The following ZNF469 variants were observed in gnomAD, a reference collection of about 807,000 sequenced individuals.
ZNF469 encodes zinc finger protein 469.
ZNF469 carries 1 observed loss-of-function variant against 1.0 expected under a neutral mutation model. That is an observed-to-expected ratio of 1.00 (90% confidence interval 0.35 to 4.73). The LOEUF is 4.73. ZNF469 is among the 30% of genes most tolerant of loss of function. ZNF469 has a pLI of 0.16. For missense variants in ZNF469, 6,100 were observed against 5,356.3 expected, an observed-to-expected ratio of 1.14 and a Z score of -4.33; for synonymous variants, 2,703 against 2,363.4, an observed-to-expected ratio of 1.14 and a Z score of -4.17.
chr16:88,362,376 A>G, the ZNF469 span, among the ~76,000 whole-genome samples: 6 of 152,340 alleles, frequency 3.9e-5, no homozygotes, highest in East Asian at 1.2e-3. Context: ...CTGAATTTCT[A>G]TCTGAATTCC....
chr16:88,177,911 A>G, the ZNF469 span: 3 of 152,066 alleles, frequency 2.0e-5, no homozygotes, highest in African/African-American at 7.2e-5. This position sits in a 1 kb window ranked among gnomAD's most constrained non-coding sequence, Gnocchi z 4.8. Flanking sequence ...GGATTTCACC[A>G]TGTTGGTCAG....
At chr16:88,280,172 GCAC>G in the ZNF469 span, among the ~76,000 whole-genome samples, 1 of 151,178 alleles carries the variant, frequency 6.6e-6, no homozygotes. Flanking sequence ...GGTTAGTGCT[GCAC>G]CACGCTGACG....
At chr16:88,326,701 C>G in the ZNF469 span, among the ~76,000 whole-genome samples, 1 of 152,178 alleles carries the variant, frequency 6.6e-6, no homozygotes, top group African/African-American at 2.4e-5. Context: ...ACGTCACTGA[C>G]TCATGGGACC....
the ZNF469 span, among the ~76,000 whole-genome samples, chr16:88,301,465 C>G: frequency 6.6e-6 from 1 of 152,206 alleles, no homozygotes; most frequent in Non-Finnish European, 1.5e-5. Context: ...CCACGCTTCT[C>G]TAAGCGATGA....
chr16:88,202,196 C>A, the ZNF469 span, among the ~76,000 whole-genome samples: 2 of 152,172 alleles, frequency 1.3e-5, no homozygotes, highest in Non-Finnish European at 2.9e-5. Flanking sequence ...CCAGTTATAA[C>A]AAGGATCACA....
At chr16:88,259,249 A>AC in the ZNF469 span, among the ~76,000 whole-genome samples, 5 of 68,442 alleles carry the variant, frequency 7.3e-5, no homozygotes, top group Admixed American at 1.4e-4. This position sits in a 1 kb window ranked among gnomAD's most constrained non-coding sequence, Gnocchi z 4.1. Flanking sequence ...AAGCCGACCC[A>AC]CCCCCCGCCC....
chr16:88,122,471 T>TCG, the ZNF469 span, among the ~76,000 whole-genome samples: 9 of 147,914 alleles, frequency 6.1e-5, no homozygotes, highest in South Asian at 2.2e-4. Flanking sequence ...GCCACTCTGA[T>TCG]CACATTCCCG....
chr16:88,171,775 T>C, the ZNF469 span, among the ~76,000 whole-genome samples: 1 of 152,160 alleles, frequency 6.6e-6, no homozygotes, highest in Non-Finnish European at 1.5e-5. Flanking sequence ...GGAATGACAG[T>C]GACAGTAGAG....
the ZNF469 span, among the ~76,000 whole-genome samples, chr16:88,363,165 T>C: frequency 6.6e-6 from 1 of 152,226 alleles, no homozygotes; most frequent in Non-Finnish European, 1.5e-5. Flanking sequence ...TTTAAAATCT[T>C]TGTTGATTCT....
intron 1 of ZNF469, among the ~76,000 whole-genome samples, chr16:88,391,568 C>T (rs1325147289): frequency 6.6e-6 from 1 of 152,246 alleles, no homozygotes; most frequent in African/African-American, 2.4e-5. Flanking sequence ...TCCCCACAGG[C>T]ACAGGCCCAA....
the ZNF469 span, among the ~76,000 whole-genome samples, chr16:88,110,857 C>T: frequency 0.01 from 1,562 of 152,332 alleles, 27 homozygotes; most frequent in African/African-American, 0.034. Flanking sequence ...GGTGTAGCCT[C>T]GCTGGAGAAA....
At chr16:88,238,637 T>C in the ZNF469 span, among the ~76,000 whole-genome samples, 2 of 152,152 alleles carry the variant, frequency 1.3e-5, no homozygotes, top group Admixed American at 6.5e-5. Flanking sequence ...CTTTAAAATG[T>C]ATATATCTGA....
chr16:88,334,783 G>A, the ZNF469 span, among the ~76,000 whole-genome samples: 1 of 152,148 alleles, frequency 6.6e-6, no homozygotes, highest in African/African-American at 2.4e-5. Flanking sequence ...GCCGACGGGA[G>A]GACACACATG....
rs765190704 is a variant in ZNF469, at chr16:88,433,706, C to G, written c.6236C>G (p.Ser2079Cys). Residue 2079 changes from serine (S) to cysteine (C), a missense_variant, in exon 3 of 3, where the codon TCT becomes TGT. Physicochemically the swap from Ser to Cys is moderately radical, Grantham distance 112. Transcript: ENST00000565624. ...ACAGCAGCCCACAGCCGAAGTGGAT[C>G]TGAGGGCCGGACTCCAGAGAGGGCG... ...ALTAAHSRSGSEGRTPERASS... is the reference protein window; with the variant it reads ...ALTAAHSRSGCEGRTPERASS... 6.5e-7 allele frequency: 1 copy of G among 1,549,222 alleles called. No individual in the cohort carries two copies. The highest frequency in any genetic ancestry group is 8.7e-7 in the Non-Finnish European group (1 of 1,146,688).
the ZNF469 span, among the ~76,000 whole-genome samples, chr16:88,253,935 T>C: frequency 1.3e-5 from 2 of 151,660 alleles, no homozygotes; most frequent in Non-Finnish European, 2.9e-5. Context: ...AAATCTACAT[T>C]GTGAATATTT....
At chr16:88,228,155 A>C in the ZNF469 span, among the ~76,000 whole-genome samples, 3 of 152,204 alleles carry the variant, frequency 2.0e-5, no homozygotes, top group Non-Finnish European at 4.4e-5. Flanking sequence ...CCATCTTCTG[A>C]GGTTGCAGGA....
chr16:88,157,599 C>T, the ZNF469 span, among the ~76,000 whole-genome samples: 1 of 152,026 alleles, frequency 6.6e-6, no homozygotes, highest in East Asian at 1.9e-4. Flanking sequence ...ATCCACAGCA[C>T]CATGACAGAC....
At chr16:88,220,252 G>A in the ZNF469 span, among the ~76,000 whole-genome samples, 2 of 152,166 alleles carry the variant, frequency 1.3e-5, no homozygotes, top group African/African-American at 4.8e-5. Flanking sequence ...GGCACTGCAG[G>A]CTCCCTTGTG....
chr16:88,240,534 C>G, the ZNF469 span, among the ~76,000 whole-genome samples: 2 of 152,222 alleles, frequency 1.3e-5, no homozygotes, highest in Non-Finnish European at 2.9e-5. Flanking sequence ...AGGGAATGCA[C>G]TAATATGCAG....
Sources: gnomAD v4.1 joint callset for allele counts (sites outside exome capture counted in the v4.1 genomes callset) on GRCh38, gnomAD v4.1.1 for gene constraint, Gnocchi (gnomAD v3.1) non-coding constraint, MANE v1.5 for transcripts, NCBI Gene and HGNC (gene_info 2026-07-23, HGNC 2026-07-21) for gene names.